HUWE1: variants seen among roughly 807,000 people sequenced by gnomAD.
HUWE1 encodes the protein HECT, UBA and WWE domain containing E3 ubiquitin protein ligase 1.
A neutral mutation model predicts 299.4 loss-of-function variants in HUWE1; 18 were observed. The observed-to-expected ratio is 0.06, with a 90% CI of 0.04 to 0.09. The LOEUF (loss-of-function observed/expected upper bound fraction) is 0.09, where lower values mean the gene tolerates loss of function less well. Ranked by LOEUF, HUWE1 falls within the 10% of genes least tolerant of loss-of-function variation. The pLI, the probability that HUWE1 is intolerant of heterozygous loss-of-function variation, is 1.00. For missense variants in HUWE1, 1,832 were observed against 3,462.3 expected (o/e 0.53, Z 11.82); for synonymous variants, 1,317 against 1,286.1 (o/e 1.02, Z -0.51).
intron 25 of HUWE1, among the ~76,000 whole-genome samples, chrX:53,606,340 GATA>G (rs1797250372): frequency 8.9e-6 from 1 of 112,140 alleles, no homozygotes; most frequent in South Asian, 3.6e-4. Flanking sequence ...TATATACATG[GATA>G]ACAAGCACAT....
chrX:53,563,639 G>A (rs782137294), intron 52 of HUWE1, 107 bp downstream of exon 52: 59 of 875,868 alleles, frequency 6.7e-5, no homozygotes, highest in Non-Finnish European at 9.4e-5. Context: ...ATCTAGGCTG[G>A]CTATGAGCCC....
chrX:53,658,469 A>G (rs1294016310), intron 3 of HUWE1, among the ~76,000 whole-genome samples: 1 of 112,008 alleles, frequency 8.9e-6, no homozygotes, highest in Non-Finnish European at 1.9e-5. Context: ...AAGTCTTATC[A>G]TAAGACAACA....
chrX:53,677,833 G>A, intron 3 of HUWE1, among the ~76,000 whole-genome samples: 1 of 111,418 alleles, frequency 9.0e-6, no homozygotes, highest in Non-Finnish European at 1.9e-5. Flanking sequence ...ATAAATTCAT[G>A]ACAGTATCCT....
chrX:53,608,773 C>G, intron 24 of HUWE1, 79 bp downstream of exon 24: 2 of 623,432 alleles, frequency 3.2e-6, no homozygotes, highest in Non-Finnish European at 5.6e-6. Context: ...ACGGTAATTA[C>G]TGGACTCTGA....
At chrX:53,535,630 T>C in intron 80 of HUWE1, 129 bp from the exon 81 acceptor site, 1 of 528,380 alleles carries the variant, frequency 1.9e-6, no homozygotes. Flanking sequence ...TACAAAACAG[T>C]GACTTTTTCT....
At position 53,569,860 on chromosome X, in the gene HUWE1, A is replaced by G. The variant is rs782028837; in HGVS notation, c.6313-33T>C. 4 of 1,113,443 alleles carry G rather than the reference A, an allele frequency of 3.6e-6. No individual in the cohort carries two copies. The African/African-American group carries it at 7.2e-5, about 20-fold the overall frequency. 91.8% of individuals were successfully genotyped at this position (1,113,443 alleles called of 1,213,427 possible). A position where few individuals can be genotyped will look rare whatever the true frequency, so the allele number is the denominator to read the frequency against. On this transcript the variant is annotated intron_variant, in intron 47 of 83. Coordinates refer to ENST00000262854, the MANE Select transcript of HUWE1 (RefSeq NM_031407.7). ...GTCATGAATCACGACATTTACTTAC[A>G]AGCACAATTATGCCATATCATTTGC...
intron 70 of HUWE1, 81 bp downstream of exon 70, chrX:53,546,355 G>T: frequency 1.1e-6 from 1 of 930,692 alleles, no homozygotes; most frequent in Non-Finnish European, 1.5e-6. Context: ...TCAGCTTGGG[G>T]ATTCAGGAAA....
intron 49 of HUWE1, among the ~76,000 whole-genome samples, chrX:53,568,356 T>A (rs1556947503): frequency 9.0e-6 from 1 of 111,441 alleles, no homozygotes; most frequent in East Asian, 2.8e-4. Flanking sequence ...AATAAACCAA[T>A]AAGGTAATCA....
chrX:53,627,384 A>G (rs1025711364), intron 17 of HUWE1, 26 bp downstream of exon 17: 8 of 936,215 alleles, frequency 8.5e-6, no homozygotes, highest in Non-Finnish European at 1.2e-5. Flanking sequence ...AAGCACAAAA[A>G]TACTGACTTA....
chrX:53,537,518 T>A (rs1427110080), intron 78 of HUWE1, 38 bp downstream of exon 78: 4 of 1,199,604 alleles, frequency 3.3e-6, no homozygotes, highest in African/African-American at 1.8e-5. Context: ...AGGCCCCACC[T>A]CCCACCCGCC....
intron 43 of HUWE1, among the ~76,000 whole-genome samples, chrX:53,578,613 C>A (rs1247332437): frequency 3.2e-5 from 3 of 92,609 alleles, no homozygotes; most frequent in Non-Finnish European, 6.5e-5. Flanking sequence ...CCAGCCGCCC[C>A]GTCCGGGAGG....
intron 67 of HUWE1, among the ~76,000 whole-genome samples, chrX:53,548,486 T>G (rs782505018): frequency 1.8e-5 from 2 of 112,816 alleles, no homozygotes; most frequent in African/African-American, 6.4e-5. Context: ...ACGAGCAAAC[T>G]TTTCCTGAGC....
Position 53,538,844 on chromosome X carries a change from G to A in HUWE1, c.11869C>T (p.Arg3957Cys). The change falls in exon 76 of 84, where the codon CGC (arginine) becomes TGC (cysteine). Residue 3957 changes from arginine (R) to cysteine (C), a missense_variant. Physicochemically the swap from Arg to Cys is radical, Grantham distance 180 (BLOSUM62 -3). Coordinates refer to ENST00000262854, the MANE Select transcript of HUWE1 (RefSeq NM_031407.7). ...TAAAAGTTCCCTGTACCTGCAAAGC[G>A]AAGGAACTTCTGTGTGTCAGGGGGC... Reference protein sequence around the residue: ...SLPPDTQKFLRFAETHRTVLN... With the variant: ...SLPPDTQKFLCFAETHRTVLN... 1 of 1,205,264 alleles carries A rather than the reference G, an allele frequency of 8.3e-7. No homozygotes were observed. The highest frequency in any genetic ancestry group is 1.1e-6 in the Non-Finnish European group (1 of 892,110).
Position 53,569,667 on chromosome X carries a change from G to A in HUWE1, c.6473C>T (p.Ala2158Val). 8.2e-7 allele frequency: 1 copy of A among 1,212,146 alleles called. No individual in the cohort carries two copies. The highest frequency in any genetic ancestry group is 1.1e-6 in the Non-Finnish European group (1 of 895,518). ...CATAGCCAGTGCCCGTCCAAGGGCTGCTTTTACTTCATTCACTAGGGCCAC... is the reference window on the plus strand; with the variant it reads ...CATAGCCAGTGCCCGTCCAAGGGCTACTTTTACTTCATTCACTAGGGCCAC... Reference protein sequence around the residue: ...AQVALVNEVKAALGRALAMAE... With the variant: ...AQVALVNEVKVALGRALAMAE... The change falls in exon 48 of 84, where the codon GCA becomes GTA. Residue 2158 changes from alanine (A) to valine (V), a missense_variant. Physicochemically the swap from Ala to Val is moderately conservative, Grantham distance 64 (BLOSUM62 0). Transcript: ENST00000262854.
chrX:53,661,802 AT>A (rs1277843609), intron 3 of HUWE1, among the ~76,000 whole-genome samples: 5 of 111,094 alleles, frequency 4.5e-5, no homozygotes, highest in South Asian at 3.7e-4. Context: ...TTTATCTAAT[AT>A]TTTTTTTCAC....
rs1358686848 is a variant in HUWE1 at position 53,532,159 on chromosome X, C to T, written c.*1150G>A. 2 of 111,207 alleles carry T rather than the reference C, an allele frequency of 1.8e-5. No individual in the cohort carries two copies. The highest frequency in any genetic ancestry group is 3.8e-5 in the Non-Finnish European group (2 of 53,067). 9.2% of individuals were successfully genotyped at this position (111,207 alleles called of 1,213,427 possible). ...TTTTTTCTTTGAAGGCTGGAACCAT[C>T]GAAGTCCTTAGATCAGCTTTAAGCA... is the stretch of plus-strand genomic sequence containing the variant. On this transcript the variant is annotated 3_prime_UTR_variant, in exon 84 of 84. Transcript: ENST00000262854.
rs2062221413 is a variant in HUWE1, at chrX:53,560,177, C to T, written c.7736+11G>A. On this transcript the variant is annotated intron_variant, in intron 56 of 83. Coordinates refer to ENST00000262854, the MANE Select transcript of HUWE1 (RefSeq NM_031407.7). ...GAGCTCCGATGAATCCAACAGATCTCTGTAACTCACCTCTGCAGTATAAGA... is the reference window on the plus strand; with the variant it reads ...GAGCTCCGATGAATCCAACAGATCTTTGTAACTCACCTCTGCAGTATAAGA... The T allele has an allele frequency of 8.6e-7, 1 of 1,157,943 alleles. No homozygotes were observed. Among genetic ancestry groups the T allele is most frequent in the South Asian group, 1.9e-5 (1 of 52,768 alleles).
intron 33 of HUWE1, among the ~76,000 whole-genome samples, chrX:53,591,998 C>T (rs1022436037): frequency 8.9e-6 from 1 of 111,873 alleles, no homozygotes; most frequent in Non-Finnish European, 1.9e-5. Flanking sequence ...TTTAAAATGC[C>T]CCTTATACAT....
At chrX:53,601,074 C>T (rs1286374224) in intron 28 of HUWE1, among the ~76,000 whole-genome samples, 1 of 111,698 alleles carries the variant, frequency 9.0e-6, no homozygotes, top group Non-Finnish European at 1.9e-5. Context: ...TCACAATAAC[C>T]AGCTGTCATA....
Sources: allele counts gnomAD v4.1 joint callset (sites outside exome capture counted in the v4.1 genomes callset), GRCh38; gene constraint gnomAD v4.1.1; transcripts MANE v1.5; gene names NCBI Gene and HGNC (gene_info 2026-07-23, HGNC 2026-07-21).